Variants in RPS6KC1 observed in about 807,000 individuals in gnomAD.
The protein encoded by RPS6KC1 is inactive ribosomal protein S6 kinase delta-1.
Under a neutral mutation model 103.8 loss-of-function variants are expected in RPS6KC1, and 54 were observed. The ratio of observed to expected loss-of-function variants is 0.52; its 90% CI spans 0.42 to 0.65. The LOEUF (loss-of-function observed/expected upper bound fraction) is 0.65, where lower values mean the gene tolerates loss of function less well. RPS6KC1 is among the 30% of genes least tolerant of loss of function. RPS6KC1 has a pLI of 0.00. For synonymous variants in RPS6KC1, 439 were observed against 438.7 expected (o/e 1.00, Z -0.01); for missense variants, 1,151 against 1,253.8 (o/e 0.92, Z 1.24).
intron 8 of RPS6KC1, among the ~76,000 whole-genome samples, chr1:213,177,100 C>T (rs569960284): frequency 6.6e-6 from 1 of 152,148 alleles, no homozygotes; most frequent in Non-Finnish European, 1.5e-5. Flanking sequence ...CACTTCACAC[C>T]CACATGCATT....
chr1:213,417,756 G>A, the RPS6KC1 span, among the ~76,000 whole-genome samples: 4 of 152,208 alleles, frequency 2.6e-5, no homozygotes, highest in Non-Finnish European at 4.4e-5. Flanking sequence ...GGTAGAGGAT[G>A]AACAGGAGAG....
At chr1:213,051,607 C>A in intron 1 of RPS6KC1, 98 bp downstream of exon 1, 1 of 862,730 alleles carries the variant, frequency 1.2e-6, no homozygotes, top group Non-Finnish European at 1.9e-6. Flanking sequence ...GGCTCAGAGC[C>A]GAGGGTGGGA....
chr1:213,089,658 C>T (rs1322588761), intron 3 of RPS6KC1, among the ~76,000 whole-genome samples: 2 of 152,082 alleles, frequency 1.3e-5, no homozygotes, highest in Non-Finnish European at 2.9e-5. Flanking sequence ...GACGGGGTTT[C>T]ACCATGTTGG....
the RPS6KC1 span, among the ~76,000 whole-genome samples, chr1:213,795,650 T>G: frequency 6.6e-6 from 1 of 152,198 alleles, no homozygotes; most frequent in Non-Finnish European, 1.5e-5. Flanking sequence ...CTGTTGTTTC[T>G]GTTTCGTTTT....
At chr1:213,160,172 C>T (rs528863256) in intron 6 of RPS6KC1, among the ~76,000 whole-genome samples, 3 of 152,138 alleles carry the variant, frequency 2.0e-5, no homozygotes, top group South Asian at 2.1e-4. Flanking sequence ...ACTGTGTTGC[C>T]GTTAGTGTTC....
the RPS6KC1 span, among the ~76,000 whole-genome samples, chr1:213,412,494 A>G: frequency 6.6e-6 from 1 of 152,156 alleles, no homozygotes; most frequent in Non-Finnish European, 1.5e-5. Flanking sequence ...ACATTTCTGT[A>G]TGTTTCCTGC....
the RPS6KC1 span, among the ~76,000 whole-genome samples, chr1:213,754,330 C>T: frequency 6.6e-6 from 1 of 152,238 alleles, no homozygotes; most frequent in African/African-American, 2.4e-5. Context: ...GTCCCACCCT[C>T]ATGGCATAAT....
chr1:213,195,450 T>C (rs1332829900), intron 8 of RPS6KC1, among the ~76,000 whole-genome samples: 4 of 152,008 alleles, frequency 2.6e-5, no homozygotes, highest in African/African-American at 7.2e-5. Flanking sequence ...GTAACGTGTT[T>C]ATTGGTCTGT....
At chr1:213,840,596 T>C in the RPS6KC1 span, 1 of 152,176 alleles carries the variant, frequency 6.6e-6, no homozygotes, top group African/African-American at 2.4e-5. Flanking sequence ...GCAGGATTTA[T>C]ACCCCTGAAA....
the RPS6KC1 span, among the ~76,000 whole-genome samples, chr1:213,790,142 C>A: frequency 1.3e-5 from 2 of 152,144 alleles, no homozygotes; most frequent in Non-Finnish European, 2.9e-5. Context: ...ACCACAGATT[C>A]TTTCCATAAC....
chr1:213,272,642 G>T lies in RPS6KC1; in HGVS notation c.*8G>T, dbSNP rs765011620. 1 of 1,586,814 alleles carries T rather than the reference G, an allele frequency of 6.3e-7. No homozygotes were observed. Among genetic ancestry groups the T allele is most frequent in the Admixed American group, 1.7e-5 (1 of 59,964 alleles). ...GCAGAACTGATGAGATGAACGTAATGCAGGGTTATCTTCACACATTCTGAT... is the reference window on the plus strand; with the variant it reads ...GCAGAACTGATGAGATGAACGTAATTCAGGGTTATCTTCACACATTCTGAT... On this transcript the variant is annotated 3_prime_UTR_variant, in exon 15 of 15. Transcript: ENST00000366960.
At chr1:213,667,649 T>G in the RPS6KC1 span, among the ~76,000 whole-genome samples, 1 of 152,134 alleles carries the variant, frequency 6.6e-6, no homozygotes, top group Non-Finnish European at 1.5e-5. Flanking sequence ...GTTTACCACA[T>G]CTATTGACTC....
chr1:213,249,264 A>G lies in RPS6KC1; in HGVS notation c.2911+6606A>G, dbSNP rs550397528. Among the ~76,000 whole-genome samples the G allele has an allele frequency of 1.8e-4, 28 of 152,330 alleles. No individual in the cohort carries two copies. The South Asian group carries it at 2.9e-3, about 16-fold the overall frequency. On this transcript the variant is annotated intron_variant, in intron 12 of 14. Transcript: ENST00000366960. The stretch of plus-strand genomic sequence containing the variant: ...AAAGATGTAATACTGAGTCTTAAAC[A>G]TTATATACCAGAGCAATTGGCTAAC...
At chr1:213,665,652 A>G in the RPS6KC1 span, among the ~76,000 whole-genome samples, 2 of 152,348 alleles carry the variant, frequency 1.3e-5, no homozygotes, top group African/African-American at 4.8e-5. Flanking sequence ...CAAAAAATAC[A>G]TGAGTTAGAC....
the RPS6KC1 span, among the ~76,000 whole-genome samples, chr1:213,557,984 G>A: frequency 1.3e-5 from 2 of 152,166 alleles, no homozygotes; most frequent in Non-Finnish European, 2.9e-5. Flanking sequence ...GAAAGAGAAG[G>A]AAAACTTTCT....
the RPS6KC1 span, among the ~76,000 whole-genome samples, chr1:213,839,543 G>T: frequency 6.6e-6 from 1 of 152,164 alleles, no homozygotes; most frequent in Non-Finnish European, 1.5e-5. Flanking sequence ...ACAAAAAGTT[G>T]AGAATGAGAA....
At chr1:213,690,485 C>T in the RPS6KC1 span, among the ~76,000 whole-genome samples, 1 of 152,112 alleles carries the variant, frequency 6.6e-6, no homozygotes, top group Non-Finnish European at 1.5e-5. Flanking sequence ...GTGGACTCTC[C>T]CTGTAATATC....
the RPS6KC1 span, among the ~76,000 whole-genome samples, chr1:213,831,117 G>T: frequency 6.6e-6 from 1 of 152,136 alleles, no homozygotes; most frequent in Non-Finnish European, 1.5e-5. Flanking sequence ...CAACTCCCCA[G>T]CTTAAAGCAC....
At chr1:213,829,997 A>G in the RPS6KC1 span, among the ~76,000 whole-genome samples, 1 of 152,224 alleles carries the variant, frequency 6.6e-6, no homozygotes, top group Non-Finnish European at 1.5e-5. Context: ...ATACATTTTC[A>G]GCTTCCTGAG....
Sources: allele counts gnomAD v4.1 joint callset (sites outside exome capture counted in the v4.1 genomes callset), GRCh38; gene constraint gnomAD v4.1.1; transcripts MANE v1.5; gene names NCBI Gene and HGNC (gene_info 2026-07-23, HGNC 2026-07-21).